Variants in NPR3 observed in about 807,000 individuals in gnomAD.
NPR3 encodes the protein atrial natriuretic peptide receptor 3.
A neutral mutation model predicts 54.5 loss-of-function variants in NPR3; 34 were observed. The ratio of observed to expected loss-of-function variants is 0.62; its 90% CI spans 0.47 to 0.83. The LOEUF (loss-of-function observed/expected upper bound fraction) is 0.83, where lower values mean the gene tolerates loss of function less well. Among genes scored for constraint, NPR3 ranks in the 40% least tolerant of loss-of-function variants. The pLI is 0.00. For synonymous variants in NPR3, 289 were observed against 297.1 expected (o/e 0.97, Z 0.28); for missense variants, 674 against 720.8 (o/e 0.94, Z 0.74).
intron 1 of NPR3, among the ~76,000 whole-genome samples, chr5:32,722,274 G>A (rs1489519121): frequency 6.6e-6 from 1 of 152,136 alleles, no homozygotes; most frequent in African/African-American, 2.4e-5. Context: ...GATGCCTAGG[G>A]TCATCAAGTT....
chr5:32,751,220 C>G (rs897620588), intron 3 of NPR3, among the ~76,000 whole-genome samples: 1 of 152,164 alleles, frequency 6.6e-6, no homozygotes, highest in African/African-American at 2.4e-5. Flanking sequence ...CATAATGTAG[C>G]AATTTTATAC....
chr5:32,699,859 T>G (rs1298859785), intron 1 of NPR3, among the ~76,000 whole-genome samples: 2 of 152,230 alleles, frequency 1.3e-5, no homozygotes, highest in African/African-American at 2.4e-5. Flanking sequence ...ATCACTCCCT[T>G]GAGCATTTCT....
At chr5:32,774,414 C>G (rs1056496202) in intron 3 of NPR3, among the ~76,000 whole-genome samples, 2 of 152,096 alleles carry the variant, frequency 1.3e-5, no homozygotes, top group African/African-American at 4.8e-5. Context: ...GGGGACTTGT[C>G]CAAAAGGGAC....
chr5:32,784,927 C>A, intron 7 of NPR3, 44 bp downstream of exon 7: 1 of 1,380,270 alleles, frequency 7.2e-7, no homozygotes, highest in South Asian at 1.2e-5. Context: ...CTTCTGCTGT[C>A]TTTGTCATTT....
chr5:32,759,713 C>T lies in NPR3; in HGVS notation c.1060-14995C>T, dbSNP rs141331439. On this transcript the variant is annotated intron_variant, in intron 3 of 7. Coordinates refer to ENST00000265074, the MANE Select transcript of NPR3 (RefSeq NM_001204375.2). ...TTCTTCCTAGCATCAGTGGTCCTTA[C>T]AATTTGGCATGTTTTTGCAGTGGCT... Among the ~76,000 whole-genome samples the T allele has an allele frequency of 6.5e-3, 984 of 152,274 alleles. 7 individuals carry two copies. Among genetic ancestry groups the T allele is most frequent in the African/African-American group, 0.023 (939 of 41,538 alleles).
intron 1 of NPR3, among the ~76,000 whole-genome samples, chr5:32,719,378 G>A (rs1284164860): frequency 6.6e-6 from 1 of 151,962 alleles, no homozygotes; most frequent in Non-Finnish European, 1.5e-5. Context: ...AATTTTGAGA[G>A]GTTTTGTGAT....
At chr5:32,775,636 C>T (rs965469459) in intron 4 of NPR3, among the ~76,000 whole-genome samples, 3 of 151,324 alleles carry the variant, frequency 2.0e-5, no homozygotes, top group Non-Finnish European at 2.9e-5. Flanking sequence ...TCGCTCTTGT[C>T]GCCCAGGCTG....
chr5:32,700,163 T>C (rs1010646286), intron 1 of NPR3, among the ~76,000 whole-genome samples: 1 of 152,200 alleles, frequency 6.6e-6, no homozygotes, highest in African/African-American at 2.4e-5. Flanking sequence ...CATAATTAAA[T>C]GTCTCAAGTT....
At chr5:32,780,033 A>T (rs1742257628) in intron 4 of NPR3, among the ~76,000 whole-genome samples, 1 of 152,172 alleles carries the variant, frequency 6.6e-6, no homozygotes, top group Non-Finnish European at 1.5e-5. Context: ...AAGTGGTTAG[A>T]TTCTGATGTG....
intron 2 of NPR3, among the ~76,000 whole-genome samples, chr5:32,728,833 G>GTATATATATATA (rs1299474754): frequency 3.1e-5 from 2 of 64,060 alleles, no homozygotes; most frequent in South Asian, 6.8e-4. Flanking sequence ...GTGTGTGTGT[G>GTATATATATATA]TGTGTATATA....
chr5:32,736,279 C>G (rs1739747024), intron 2 of NPR3, among the ~76,000 whole-genome samples: 1 of 150,422 alleles, frequency 6.6e-6, no homozygotes, highest in African/African-American at 2.4e-5. Context: ...AACTCCAAAG[C>G]CGTTACCTTT....
At position 32,724,781 on chromosome 5, in the gene NPR3, G is replaced by T; in HGVS notation, c.853G>T (p.Ala285Ser). The T allele has an allele frequency of 1.2e-6, 2 of 1,613,866 alleles. No homozygotes were observed. Among genetic ancestry groups the T allele is most frequent in the Non-Finnish European group, 8.5e-7 (1 of 1,179,856 alleles). Reference sequence around the variant, plus strand: ...GCATGGCATGACCAGTGGAGACTACGCCTTCTTCAACATTGAGCTCTTCAA... The same window carrying T: ...GCATGGCATGACCAGTGGAGACTACTCCTTCTTCAACATTGAGCTCTTCAA... ...HRHGMTSGDY[A>S]FFNIELFNSS... The change falls in exon 2 of 8, where the codon GCC (alanine) becomes TCC (serine). Residue 285 changes from alanine to serine, a missense_variant. Ala to Ser is a moderately conservative substitution (Grantham distance 99). Coordinates refer to ENST00000265074, the MANE Select transcript of NPR3 (RefSeq NM_001204375.2).
At chr5:32,730,835 T>C (rs961423803) in intron 2 of NPR3, among the ~76,000 whole-genome samples, 1 of 152,204 alleles carries the variant, frequency 6.6e-6, no homozygotes, top group Non-Finnish European at 1.5e-5. Context: ...TCTGTATTAA[T>C]GAGAGACATA....
chr5:32,724,356 A>G (rs143385263), intron 1 of NPR3, among the ~76,000 whole-genome samples: 121 of 152,314 alleles, frequency 7.9e-4, no homozygotes, highest in African/African-American at 2.8e-3. Flanking sequence ...TAAAGAGCGT[A>G]GGCCGATTTT....
intron 2 of NPR3, among the ~76,000 whole-genome samples, chr5:32,729,131 G>A (rs1739327542): frequency 7.0e-6 from 1 of 143,284 alleles, no homozygotes; most frequent in Non-Finnish European, 1.5e-5. Context: ...CCGGGTTCAC[G>A]CCATTCTCCT....
intron 3 of NPR3, among the ~76,000 whole-genome samples, chr5:32,752,523 A>T (rs1294491120): frequency 6.6e-6 from 1 of 152,132 alleles, no homozygotes; most frequent in Non-Finnish European, 1.5e-5. Flanking sequence ...CTGCATCTGG[A>T]TAGAAGGAGG....
intron 3 of NPR3, among the ~76,000 whole-genome samples, chr5:32,771,181 G>A (rs189578132): frequency 2.0e-4 from 31 of 152,106 alleles, no homozygotes; most frequent in Admixed American, 1.8e-3. Flanking sequence ...AAGAAAAGCC[G>A]GTCTCTGGGG....
intron 2 of NPR3, 109 bp from the exon 3 acceptor site, chr5:32,738,755 T>C: frequency 1.1e-6 from 1 of 896,018 alleles, no homozygotes; most frequent in South Asian, 1.6e-5. Context: ...AATACTTCTC[T>C]TCCTGGTTGC....
intron 3 of NPR3, among the ~76,000 whole-genome samples, chr5:32,771,689 G>A (rs1314034646): frequency 6.6e-6 from 1 of 152,134 alleles, no homozygotes; most frequent in African/African-American, 2.4e-5. Context: ...CCGGTGGCTG[G>A]TGCTTCACAA....
Sources: gnomAD v4.1 joint callset for allele counts (sites outside exome capture counted in the v4.1 genomes callset) on GRCh38, gnomAD v4.1.1 for gene constraint, MANE v1.5 for transcripts, NCBI Gene and HGNC (gene_info 2026-07-23, HGNC 2026-07-21) for gene names.